The following JARID2 variants were observed in gnomAD, a reference collection of about 807,000 sequenced individuals.
The protein encoded by JARID2 is jumonji and AT-rich interaction domain containing 2.
In JARID2, 21 loss-of-function variants were observed where a neutral mutation model predicts 125.6. That is an observed-to-expected ratio of 0.17 (90% CI 0.12 to 0.24). The LOEUF is 0.24. Among genes scored for constraint, JARID2 ranks in the 10% least tolerant of loss-of-function variants. The pLI, the probability that JARID2 is intolerant of heterozygous loss-of-function variation, is 1.00. For missense variants in JARID2, 1,303 were observed against 1,639.6 expected (o/e 0.79, Z 3.55); for synonymous variants, 736 against 661.6 (o/e 1.11, Z -1.73).
At chr6:15,492,131 G>GCA (rs66703816) in intron 6 of JARID2, among the ~76,000 whole-genome samples, 4,387 of 152,330 alleles carry the variant, frequency 0.029, 228 homozygotes, top group African/African-American at 0.099. Flanking sequence ...GGGCCAAGGA[G>GCA]CACACGCTGC....
chr6:15,302,048 G>T (rs1415756940), intron 1 of JARID2, among the ~76,000 whole-genome samples: 1 of 152,200 alleles, frequency 6.6e-6, no homozygotes. Flanking sequence ...CTTTCTGAAT[G>T]AAAGATGATG....
At chr6:15,270,895 C>G (rs1211552988) in intron 1 of JARID2, among the ~76,000 whole-genome samples, 1 of 151,824 alleles carries the variant, frequency 6.6e-6, no homozygotes, top group Non-Finnish European at 1.5e-5. Flanking sequence ...GAGCGGAGAT[C>G]TTGCCACTGC....
At chr6:15,344,024 C>T (rs1042250121) in intron 1 of JARID2, among the ~76,000 whole-genome samples, 5 of 150,828 alleles carry the variant, frequency 3.3e-5, no homozygotes, top group Admixed American at 6.6e-5. Context: ...CCCTTTCAGA[C>T]AGACAGGGCG....
chr6:15,345,926 A>T (rs1179794756), intron 1 of JARID2, among the ~76,000 whole-genome samples: 1 of 152,170 alleles, frequency 6.6e-6, no homozygotes, highest in Non-Finnish European at 1.5e-5. Flanking sequence ...CAGGTTTGCA[A>T]CTTGGGATAA....
chr6:15,436,836 T>G (rs976369909), intron 3 of JARID2, among the ~76,000 whole-genome samples: 9 of 152,030 alleles, frequency 5.9e-5, no homozygotes, highest in African/African-American at 2.2e-4. Flanking sequence ...CCATAATGTT[T>G]ATATTCTGTG....
At chr6:15,510,718 C>T (rs1455763570) in intron 12 of JARID2, among the ~76,000 whole-genome samples, 2 of 152,234 alleles carry the variant, frequency 1.3e-5, no homozygotes, top group African/African-American at 4.8e-5. Flanking sequence ...TCCCCTGACC[C>T]CTACTTCACC....
intron 1 of JARID2, among the ~76,000 whole-genome samples, chr6:15,343,796 C>G (rs1763152469): frequency 6.6e-6 from 1 of 152,168 alleles, no homozygotes; most frequent in Non-Finnish European, 1.5e-5. Context: ...GCTAGACAAG[C>G]AAGTGCTGGT....
chr6:15,279,957 C>G (rs1214533321), intron 1 of JARID2, among the ~76,000 whole-genome samples: 2 of 152,142 alleles, frequency 1.3e-5, no homozygotes, highest in Admixed American at 6.5e-5. Flanking sequence ...ATCCCCTTCC[C>G]TCACTGACTT....
At chr6:15,493,495 G>T (rs576896350) in intron 6 of JARID2, among the ~76,000 whole-genome samples, 3 of 152,138 alleles carry the variant, frequency 2.0e-5, no homozygotes, top group Non-Finnish European at 4.4e-5. Flanking sequence ...CACTGTGTCC[G>T]TCTCCTTAAG....
At chr6:15,460,799 T>C (rs905138949) in intron 4 of JARID2, among the ~76,000 whole-genome samples, 2 of 152,076 alleles carry the variant, frequency 1.3e-5, no homozygotes, top group South Asian at 2.1e-4. Context: ...CCGCCTCCCA[T>C]GTTCAAGGTA....
Position 15,246,218 on chromosome 6 carries a change from AAGG to A in JARID2, c.-321_-319del, listed in dbSNP as rs1397730756. ...TCGCTGATGTAGTTTTTGGAGGAAA[AAGG>A]GGGGGGAGTGAAGGGCGTCGGTTTT... On this transcript the variant is annotated 5_prime_UTR_variant, in exon 1 of 18. Coordinates refer to ENST00000341776, the MANE Select transcript of JARID2 (RefSeq NM_004973.4). 4 of 468,088 alleles carry A rather than the reference AAGG, an allele frequency of 8.5e-6. No homozygotes were observed. Among genetic ancestry groups the A allele is most frequent in the East Asian group, 6.8e-5 (2 of 29,206 alleles). 29.0% of individuals were successfully genotyped at this position (468,088 alleles called of 1,614,324 possible). A position where few individuals can be genotyped will look rare whatever the true frequency, so the allele number is the denominator to read the frequency against.
At chr6:15,280,905 A>C (rs575035962) in intron 1 of JARID2, among the ~76,000 whole-genome samples, 12 of 152,264 alleles carry the variant, frequency 7.9e-5, no homozygotes, top group Non-Finnish European at 1.8e-4. Flanking sequence ...CTGGAATTAC[A>C]GGCATGAGCC....
At chr6:15,498,094 A>C (rs1335593105) in intron 7 of JARID2, among the ~76,000 whole-genome samples, 1 of 152,084 alleles carries the variant, frequency 6.6e-6, no homozygotes, top group Admixed American at 6.5e-5. Flanking sequence ...TCAACATATG[A>C]ATTTGGAGGG....
intron 1 of JARID2, among the ~76,000 whole-genome samples, chr6:15,263,960 G>A (rs754448082): frequency 6.6e-6 from 1 of 152,150 alleles, no homozygotes; most frequent in Non-Finnish European, 1.5e-5. Context: ...TGACGTGAAC[G>A]CAGCTCACTG....
intron 1 of JARID2, among the ~76,000 whole-genome samples, chr6:15,283,064 T>C (rs180954267): frequency 3.1e-3 from 467 of 151,320 alleles, no homozygotes; most frequent in East Asian, 0.021. Flanking sequence ...CTGTAAGCTC[T>C]GCCTCCCGGG....
intron 1 of JARID2, among the ~76,000 whole-genome samples, chr6:15,372,063 T>G (rs1214818122): frequency 6.6e-6 from 1 of 152,176 alleles, no homozygotes; most frequent in East Asian, 1.9e-4. Flanking sequence ...AAGTGCAGCT[T>G]AAGTTATTTA....
chr6:15,309,119 C>T (rs79480203), intron 1 of JARID2, among the ~76,000 whole-genome samples: 11 of 152,290 alleles, frequency 7.2e-5, no homozygotes, highest in East Asian at 3.9e-4. Context: ...TTGAATTTAG[C>T]TGACAGAGTA....
rs79535483 is a variant in JARID2, at chr6:15,367,319, T to C, written c.46-6798T>C. ...CTCCCAAATCAAGATGGCCTGAATTTGAAACCATAATAAAAACCAAGGTAT... is the reference window on the plus strand; with the variant it reads ...CTCCCAAATCAAGATGGCCTGAATTCGAAACCATAATAAAAACCAAGGTAT... On this transcript the variant is annotated intron_variant, in intron 1 of 17. Coordinates refer to ENST00000341776, the MANE Select transcript of JARID2 (RefSeq NM_004973.4). Among the ~76,000 whole-genome samples, 1,122 of 152,322 alleles carry C rather than the reference T, an allele frequency of 7.4e-3. 13 individuals are homozygous for C. The highest frequency in any genetic ancestry group is 0.026 in the African/African-American group (1,064 of 41,554).
At chr6:15,438,989 G>A (rs1313585150) in intron 3 of JARID2, among the ~76,000 whole-genome samples, 3 of 147,828 alleles carry the variant, frequency 2.0e-5, no homozygotes, top group South Asian at 2.1e-4. Flanking sequence ...CTGAGATCAC[G>A]CCACTGCACT....
Sources: allele counts gnomAD v4.1 joint callset (sites outside exome capture counted in the v4.1 genomes callset), GRCh38; gene constraint gnomAD v4.1.1; transcripts MANE v1.5; gene names NCBI Gene and HGNC (gene_info 2026-07-23, HGNC 2026-07-21).